ARHGAP6: variants seen among roughly 807,000 people sequenced by gnomAD.
The protein encoded by ARHGAP6 is Rho GTPase activating protein 6.
Under a neutral mutation model 55.7 loss-of-function variants are expected in ARHGAP6, and 16 were observed. That is an observed-to-expected ratio of 0.29 (90% CI 0.19 to 0.44). The LOEUF (loss-of-function observed/expected upper bound fraction) is 0.44, where lower values mean the gene tolerates loss of function less well. ARHGAP6 is among the 20% of genes least tolerant of loss of function. The pLI is 1.00. For synonymous variants in ARHGAP6, 382 were observed against 360.9 expected (o/e 1.06, Z -0.66); for missense variants, 698 against 808.9 (o/e 0.86, Z 1.66).
At chrX:11,465,652 G>A (rs966207643) in intron 1 of ARHGAP6, among the ~76,000 whole-genome samples, 3 of 112,102 alleles carry the variant, frequency 2.7e-5, no homozygotes, top group South Asian at 7.4e-4. Flanking sequence ...TGCAAGAATA[G>A]ATTCACATAC....
chrX:11,466,010 C>A (rs2050289554), intron 1 of ARHGAP6, among the ~76,000 whole-genome samples: 1 of 110,821 alleles, frequency 9.0e-6, no homozygotes, highest in Non-Finnish European at 1.9e-5. Flanking sequence ...AACAGTTAAC[C>A]CTGCCCATCT....
At chrX:11,220,300 C>T (rs985085881) in intron 2 of ARHGAP6, among the ~76,000 whole-genome samples, 15 of 110,903 alleles carry the variant, frequency 1.4e-4, no homozygotes, top group Non-Finnish European at 2.6e-4. Flanking sequence ...AGATACTCCT[C>T]GAGAAGAGCA....
chrX:11,584,985 T>C (rs1452760506), intron 1 of ARHGAP6, among the ~76,000 whole-genome samples: 1 of 112,047 alleles, frequency 8.9e-6, no homozygotes, highest in African/African-American at 3.2e-5. Flanking sequence ...TATGTGTCCA[T>C]GTGTTCTCAT....
At chrX:11,537,818 A>C (rs2051118763) in intron 1 of ARHGAP6, among the ~76,000 whole-genome samples, 1 of 112,151 alleles carries the variant, frequency 8.9e-6, no homozygotes, top group Non-Finnish European at 1.9e-5. Context: ...TATCAGCATG[A>C]TATTCATTGC....
At chrX:11,427,147 T>C (rs2045521023) in intron 1 of ARHGAP6, among the ~76,000 whole-genome samples, 1 of 111,416 alleles carries the variant, frequency 9.0e-6, no homozygotes, top group Non-Finnish European at 1.9e-5. Context: ...ACTGAGATCA[T>C]GAAGCGGCCC....
At position 11,154,159 on chromosome X, in the gene ARHGAP6, G is replaced by A. The variant is rs12006858; in HGVS notation, c.1907+2370C>T. Among the ~76,000 whole-genome samples the A allele has an allele frequency of 6.2e-4, 69 of 111,582 alleles. 1 individual carries two copies. Among genetic ancestry groups the A allele is most frequent in the African/African-American group, 1.9e-3 (59 of 30,717 alleles). ...GGACATGAACTCTTCATTTTTTATG[G>A]CTGCATAGTATTCCATGATGTATAT... On this transcript the variant is annotated intron_variant, in intron 10 of 12. Coordinates refer to ENST00000337414, the MANE Select transcript of ARHGAP6 (RefSeq NM_013427.3).
At chrX:11,439,498 CCT>C (rs1460011603) in intron 1 of ARHGAP6, among the ~76,000 whole-genome samples, 3 of 112,055 alleles carry the variant, frequency 2.7e-5, no homozygotes, top group Non-Finnish European at 5.6e-5. Flanking sequence ...TTCACCCACC[CCT>C]GATTTAGAAA....
At chrX:11,439,237 G>A (rs1350787742) in intron 1 of ARHGAP6, among the ~76,000 whole-genome samples, 2 of 112,190 alleles carry the variant, frequency 1.8e-5, no homozygotes, top group Non-Finnish European at 3.8e-5. Flanking sequence ...TCTAGCACAG[G>A]GTGAGTAAAA....
chrX:11,215,023 CG>C (rs1569258956), intron 2 of ARHGAP6, among the ~76,000 whole-genome samples: 1 of 113,310 alleles, frequency 8.8e-6, no homozygotes, highest in East Asian at 2.8e-4. Flanking sequence ...GAGGGCAGGC[CG>C]GGGTGGGCCA....
chrX:11,174,623 TTTTCTTTC>T (rs55966871), intron 8 of ARHGAP6, among the ~76,000 whole-genome samples: 9,044 of 46,649 alleles, frequency 0.19, 1,024 homozygotes, highest in East Asian at 0.24. Flanking sequence ...TTTCTCTTTC[TTTTCTTTC>T]TTTCTTTCTT....
intron 1 of ARHGAP6, among the ~76,000 whole-genome samples, chrX:11,620,442 A>G (rs1270372754): frequency 8.9e-6 from 1 of 112,631 alleles, no homozygotes; most frequent in Non-Finnish European, 1.9e-5. Context: ...ATTAAGATAT[A>G]CATCCTCAGG....
intron 1 of ARHGAP6, among the ~76,000 whole-genome samples, chrX:11,448,080 T>C (rs746285133): frequency 1.5e-4 from 17 of 112,618 alleles, no homozygotes; most frequent in African/African-American, 4.2e-4. Flanking sequence ...TCCACACTTA[T>C]GCTTTCCACC....
At chrX:11,243,303 G>T (rs927067299) in intron 2 of ARHGAP6, among the ~76,000 whole-genome samples, 11 of 111,005 alleles carry the variant, frequency 9.9e-5, no homozygotes, top group Admixed American at 4.8e-4. Flanking sequence ...AACTCATCCT[G>T]GGATGAGTTA....
chrX:11,581,250 G>C (rs1247546001), intron 1 of ARHGAP6, among the ~76,000 whole-genome samples: 1 of 111,893 alleles, frequency 8.9e-6, no homozygotes. Context: ...ATACCTACTA[G>C]GATGGCTATA....
chrX:11,234,278 A>T (rs2047170563), intron 2 of ARHGAP6, among the ~76,000 whole-genome samples: 1 of 112,108 alleles, frequency 8.9e-6, no homozygotes, highest in Non-Finnish European at 1.9e-5. Context: ...AAGGGTAAAA[A>T]ATGTGTTACT....
At chrX:11,468,494 G>T (rs1053081497) in intron 1 of ARHGAP6, among the ~76,000 whole-genome samples, 1 of 111,384 alleles carries the variant, frequency 9.0e-6, no homozygotes, top group African/African-American at 3.3e-5. Context: ...TAGCCATCAC[G>T]TCCTTCTTTT....
chrX:11,179,723 ATATG>A (rs1266640441), intron 6 of ARHGAP6, among the ~76,000 whole-genome samples: 1 of 101,955 alleles, frequency 9.8e-6, no homozygotes, highest in Non-Finnish European at 2.0e-5. Context: ...TATTGTATAT[ATATG>A]TATTGTATAT....
At chrX:11,413,952 C>T (rs758936708) in intron 1 of ARHGAP6, among the ~76,000 whole-genome samples, 4 of 111,614 alleles carry the variant, frequency 3.6e-5, no homozygotes, top group Non-Finnish European at 7.5e-5. Context: ...TTTCCCTTAG[C>T]GCTATACACA....
At chrX:11,288,253 G>A (rs1011613257) in intron 1 of ARHGAP6, among the ~76,000 whole-genome samples, 1 of 111,792 alleles carries the variant, frequency 8.9e-6, no homozygotes, top group African/African-American at 3.3e-5. Flanking sequence ...CCCGGCATGC[G>A]GGAGGTGACC....
Sources: allele counts gnomAD v4.1 joint callset (sites outside exome capture counted in the v4.1 genomes callset), GRCh38; gene constraint gnomAD v4.1.1; transcripts MANE v1.5; gene names NCBI Gene and HGNC (gene_info 2026-07-23, HGNC 2026-07-21).